MEGF8: variants seen among roughly 807,000 people sequenced by gnomAD.
MEGF8 encodes multiple epidermal growth factor-like domains protein 8.
Under a neutral mutation model 302.9 loss-of-function variants are expected in MEGF8, and 156 were observed. The observed-to-expected ratio is 0.52, with a 90% CI of 0.45 to 0.59. The LOEUF (loss-of-function observed/expected upper bound fraction) is 0.59, where lower values mean the gene tolerates loss of function less well. MEGF8 is among the 20% of genes least tolerant of loss of function. The pLI is 0.00. For missense variants in MEGF8, 3,345 were observed against 3,964.5 expected, an observed-to-expected ratio of 0.84 and a Z score of 4.20; for synonymous variants, 1,621 against 1,660.5, an observed-to-expected ratio of 0.98 and a Z score of 0.58.
chr19:42,365,505 C>T (rs970469351), intron 35 of MEGF8, among the ~76,000 whole-genome samples: 32 of 151,644 alleles, frequency 2.1e-4, no homozygotes, highest in African/African-American at 7.8e-4. Context: ...GTGGCTCAGG[C>T]CTGTAATCCC....
At chr19:42,374,470 C>CA (rs58700897) in intron 41 of MEGF8, among the ~76,000 whole-genome samples, 3,409 of 55,380 alleles carry the variant, frequency 0.062, 100 homozygotes, top group Non-Finnish European at 0.092. Context: ...GACTCTGTCT[C>CA]AAAAAAAAAA....
Position 42,335,993 on chromosome 19 carries a change from G to T in MEGF8, c.891G>T (p.Glu297Asp). Reference protein sequence around the residue: ...WAGSLVLMGGELADGSLTNDV... With the variant: ...WAGSLVLMGGDLADGSLTNDV... ...GCTCCCTGGTACTGATGGGTGGTGA[G>T]CTGGCTGACGGCTCGCTCACCAACG... Residue 297 changes from glutamate to aspartate, a missense_variant, in exon 6 of 42, where the codon GAG (glutamate) becomes GAT (aspartate). Transcript: ENST00000251268. 1 of 1,539,496 alleles carries T rather than the reference G, an allele frequency of 6.5e-7. No individual in the cohort carries two copies.
At position 42,356,189 on chromosome 19, in the gene MEGF8, C is replaced by T. The variant is rs1284819023; in HGVS notation, c.4499C>T (p.Ser1500Leu). The T allele has an allele frequency of 6.5e-7, 1 of 1,527,774 alleles. No individual in the cohort carries two copies. Among genetic ancestry groups the T allele is most frequent in the Non-Finnish European group, 8.8e-7 (1 of 1,133,910 alleles). 94.6% of individuals were successfully genotyped at this position (1,527,774 alleles called of 1,614,324 possible). A position where few individuals can be genotyped will look rare whatever the true frequency, so the allele number is the denominator to read the frequency against. Residue 1500 changes from serine (S) to leucine (L), a missense_variant, in exon 25 of 42, where the codon TCA becomes TTA. By Grantham distance (145) the Ser-to-Leu change is moderately radical. Coordinates refer to ENST00000251268, the MANE Select transcript of MEGF8 (RefSeq NM_001271938.2). The surrounding 1 kb of genome is among the most constrained non-coding windows in gnomAD (Gnocchi z 5.2). ...VWETLMDSRLSADTASRFLHR... is the reference protein window; with the variant it reads ...VWETLMDSRLLADTASRFLHR... ...GAGACCCTCATGGACAGCCGCCTCT[C>T]AGCCGTGAGTTGTGGGTACCCGCTG...
At chr19:42,335,437 G>T (rs1395697379) in intron 5 of MEGF8, 52 bp downstream of exon 5, 1 of 1,571,532 alleles carries the variant, frequency 6.4e-7, no homozygotes, top group South Asian at 1.1e-5. Context: ...ATCAGACCCA[G>T]CCGGGGACCC....
chr19:42,373,065 G>T (rs1020500439), intron 41 of MEGF8, among the ~76,000 whole-genome samples: 2 of 152,014 alleles, frequency 1.3e-5, no homozygotes, highest in Non-Finnish European at 2.9e-5. Context: ...TACCAGGTCT[G>T]TTGGCTGCTT....
rs1375081876 is a variant in MEGF8, at chr19:42,354,914, A to C, written c.4144+194A>C. 6.6e-6 allele frequency among the ~76,000 whole-genome samples: 1 copy of C among 152,186 alleles called. No individual in the cohort carries two copies. The highest frequency in any genetic ancestry group is 1.5e-5 in the Non-Finnish European group (1 of 68,042). Reference sequence around the variant, plus strand: ...ATTGCGCCGGCTGAGCTACGTCTGCAGAGAGAAGGGCTGAATGAGACATGT... The same window carrying C: ...ATTGCGCCGGCTGAGCTACGTCTGCCGAGAGAAGGGCTGAATGAGACATGT... On this transcript the variant is annotated intron_variant, in intron 23 of 41. Coordinates refer to ENST00000251268, the MANE Select transcript of MEGF8 (RefSeq NM_001271938.2). This position sits in a 1 kb window ranked among gnomAD's most constrained non-coding sequence, Gnocchi z 4.3.
At chr19:42,349,815 C>T (rs959999825) in intron 14 of MEGF8, 116 bp downstream of exon 14, 3 of 1,124,634 alleles carry the variant, frequency 2.7e-6, no homozygotes, top group Non-Finnish European at 2.6e-6. Context: ...CCTCGGACTC[C>T]TTAACTCTTG....
rs2039388418 is a variant in MEGF8 at position 42,352,379 on chromosome 19, C to T, written c.3273C>T (p.Cys1091=). The T allele has an allele frequency of 1.3e-6, 2 of 1,592,140 alleles. No homozygotes were observed. The highest frequency in any genetic ancestry group is 1.7e-6 in the Non-Finnish European group (2 of 1,170,088). The change falls in exon 19 of 42, where the codon TGC becomes TGT. Residue 1091 remains cysteine (C), a synonymous_variant. Coordinates refer to ENST00000251268, the MANE Select transcript of MEGF8 (RefSeq NM_001271938.2). The surrounding 1 kb of genome is among the most constrained non-coding windows in gnomAD (Gnocchi z 4.4). The part of the protein sequence containing the change: ...GLARCHPRAT[C]LNTPLSYECH... Reference sequence around the variant, plus strand: ...CCCGGTGCCACCCGCGGGCGACCTGCCTGAACACGCCCCTCAGCTACGAGT... The same window carrying T: ...CCCGGTGCCACCCGCGGGCGACCTGTCTGAACACGCCCCTCAGCTACGAGT...
Position 42,361,900 on chromosome 19 carries a change from C to T in MEGF8, c.5721-190C>T, listed in dbSNP as rs553893405. Among the ~76,000 whole-genome samples the T allele has an allele frequency of 2.6e-5, 4 of 152,206 alleles. No homozygotes were observed. In the East Asian group the frequency reaches 7.7e-4, roughly 29 times the overall value. On this transcript the variant is annotated intron_variant, in intron 32 of 41. Coordinates refer to ENST00000251268, the MANE Select transcript of MEGF8 (RefSeq NM_001271938.2). ...CAGGAGGACCTGGGGTGTGGTCCAG[C>T]GTCTCCAGCCTGGGTGACAGGTGGA... is the stretch of plus-strand genomic sequence containing the variant.
intron 35 of MEGF8, among the ~76,000 whole-genome samples, chr19:42,367,548 A>G (rs1172582033): frequency 1.3e-5 from 2 of 152,076 alleles, no homozygotes; most frequent in Admixed American, 1.3e-4. Flanking sequence ...TCGGCCTCCC[A>G]AAGTGCTGGG....
intron 1 of MEGF8, 29 bp downstream of exon 1, chr19:42,326,459 A>G (rs766178672): frequency 1.5e-5 from 23 of 1,501,316 alleles, no homozygotes; most frequent in East Asian, 5.4e-5. Context: ...GTCACTCACT[A>G]ATTCGCTGGT....
intron 35 of MEGF8, among the ~76,000 whole-genome samples, chr19:42,366,738 G>A (rs1179600273): frequency 1.3e-5 from 2 of 152,214 alleles, no homozygotes. Context: ...GAAATGCAGT[G>A]TATGGTGTTG....
Position 42,375,457 on chromosome 19 carries a change from C to T in MEGF8, c.7270-50C>T. 6.7e-7 allele frequency: 1 copy of T among 1,491,540 alleles called. No homozygotes were observed. Among genetic ancestry groups the T allele is most frequent in the Non-Finnish European group, 9.0e-7 (1 of 1,113,448 alleles). The allele number at this position is 1,491,540 out of a possible 1,614,324, so 92.4% of individuals were successfully genotyped here. A position where few individuals can be genotyped will look rare whatever the true frequency, so the allele number is the denominator to read the frequency against. ...TCGTCACTGCTGCTTGGGGGACAGG[C>T]TGGCACCGCACTCAGCCCTGATGGT... On this transcript the variant is annotated intron_variant, in intron 41 of 41. Transcript: ENST00000251268. This position sits in a 1 kb window ranked among gnomAD's most constrained non-coding sequence, Gnocchi z 7.1.
intron 41 of MEGF8, among the ~76,000 whole-genome samples, chr19:42,373,336 C>A (rs2147515245): frequency 6.6e-6 from 1 of 152,040 alleles, no homozygotes; most frequent in East Asian, 1.9e-4. Flanking sequence ...TGTGATCTGC[C>A]CACCTTGGCC....
intron 5 of MEGF8, 97 bp downstream of exon 5, chr19:42,335,482 G>A (rs2039114957): frequency 2.7e-6 from 3 of 1,108,604 alleles, no homozygotes; most frequent in Admixed American, 4.3e-5. Context: ...TGCTCCCACA[G>A]TTCCTGCAGC....
rs757109449 is a variant in MEGF8 at position 42,353,697 on chromosome 19, G to T, written c.3761+22G>T. The T allele has an allele frequency of 1.1e-5, 17 of 1,575,226 alleles. No individual in the cohort carries two copies. In the East Asian group the frequency reaches 3.9e-4, roughly 36 times the overall value. On this transcript the variant is annotated intron_variant, in intron 21 of 41. Transcript: ENST00000251268. This position sits in a 1 kb window ranked among gnomAD's most constrained non-coding sequence, Gnocchi z 6.1. The stretch of plus-strand genomic sequence containing the variant: ...CCCGGTGAGCCAACGGGCCAGCCAG[G>T]GCTGGGTAGGGTGTGCTTGGGGACA...
chr19:42,336,795 C>T lies in MEGF8; in HGVS notation c.1245-12C>T. The T allele has an allele frequency of 6.4e-7, 1 of 1,570,252 alleles. No homozygotes were observed. Among genetic ancestry groups the T allele is most frequent in the Non-Finnish European group, 8.6e-7 (1 of 1,158,972 alleles). ...CCTGCCCTGAGCCCCTGCCCTGCTTCTCCTTCGGTAGGTTCTCTGTGCGAG... is the reference window on the plus strand; with the variant it reads ...CCTGCCCTGAGCCCCTGCCCTGCTTTTCCTTCGGTAGGTTCTCTGTGCGAG... On this transcript the variant is annotated splice_polypyrimidine_tract_variant and intron_variant, in intron 6 of 41. Transcript: ENST00000251268. This position sits in a 1 kb window ranked among gnomAD's most constrained non-coding sequence, Gnocchi z 4.8.
chr19:42,346,002 G>A (rs956670034), intron 12 of MEGF8, among the ~76,000 whole-genome samples: 1 of 152,280 alleles, frequency 6.6e-6, no homozygotes, highest in African/African-American at 2.4e-5. Context: ...CCGGGTTCAA[G>A]TGATTCTCCT....
rs1260348011 is a variant in MEGF8 at position 42,344,481 on chromosome 19, G to A, written c.1829G>A (p.Gly610Asp). Residue 610 changes from glycine (G) to aspartate (D), a missense_variant, in exon 11 of 42, where the codon GGT becomes GAT. By Grantham distance (94) the Gly-to-Asp change is moderately conservative. Coordinates refer to ENST00000251268, the MANE Select transcript of MEGF8 (RefSeq NM_001271938.2). This position sits in a 1 kb window ranked among gnomAD's most constrained non-coding sequence, Gnocchi z 4.5. Reference protein sequence around the residue: ...ASCLGLGRLLGDCQACLAFSS... With the variant: ...ASCLGLGRLLDDCQACLAFSS... The stretch of plus-strand genomic sequence containing the variant: ...TGCCTGGGCCTGGGCCGCCTCCTGG[G>A]TGACTGCCAGGCCTGCCTGGCCTTC... 2 of 1,597,752 alleles carry A rather than the reference G, an allele frequency of 1.3e-6. No individual in the cohort carries two copies. The highest frequency in any genetic ancestry group is 1.3e-5 in the African/African-American group (1 of 74,856).
Sources: allele counts gnomAD v4.1 joint callset (sites outside exome capture counted in the v4.1 genomes callset), GRCh38; gene constraint gnomAD v4.1.1; non-coding constraint Gnocchi (gnomAD v3.1); transcripts MANE v1.5; gene names NCBI Gene and HGNC (gene_info 2026-07-23, HGNC 2026-07-21).